Variants in GSDMC observed in about 807,000 individuals in gnomAD.
The protein encoded by GSDMC is gasdermin-C.
Under a neutral mutation model 58.0 loss-of-function variants are expected in GSDMC, and 59 were observed. The ratio of observed to expected loss-of-function variants is 1.02; its 90% confidence interval spans 0.82 to 1.26. The LOEUF is 1.26. Among genes scored for constraint, GSDMC ranks in the 50% most tolerant of loss-of-function variants. GSDMC has a pLI of 0.00. For synonymous variants in GSDMC, 241 were observed against 220.2 expected (o/e 1.09, Z -0.83); for missense variants, 659 against 598.5 (o/e 1.10, Z -1.06).
the GSDMC span, among the ~76,000 whole-genome samples, chr8:129,713,392 C>A: frequency 9.2e-6 from 1 of 108,976 alleles, no homozygotes; most frequent in Non-Finnish European, 1.7e-5. Context: ...ATCAATGGAG[C>A]CTTGTGGCCT....
chr8:129,729,326 T>C, the GSDMC span: 1 of 512,168 alleles, frequency 2.0e-6, no homozygotes, highest in Non-Finnish European at 3.7e-6. Context: ...TAATTATTAT[T>C]ATACTTTAAG....
chr8:129,732,493 A>G, the GSDMC span, among the ~76,000 whole-genome samples: 1 of 152,214 alleles, frequency 6.6e-6, no homozygotes, highest in Non-Finnish European at 1.5e-5. Flanking sequence ...AGGTCTCCAG[A>G]TGAGAAGGAA....
intron 11 of GSDMC, 123 bp from the exon 12 acceptor site, chr8:129,750,242 T>C: frequency 1.9e-6 from 2 of 1,034,648 alleles, no homozygotes; most frequent in South Asian, 1.8e-5. Context: ...CCCCAGGGGA[T>C]TCCAAGCAGC....
In GSDMC at chr8:129,752,285, T is replaced by TA. The variant is rs550836420; in HGVS notation, c.845-139dup. The stretch of plus-strand genomic sequence containing the variant: ...TTCTCACATGTTCCATCAGTTCAGT[T>TA]AAAAAACTTCCCCAGAGAGATGGAT... On this transcript the variant is annotated intron_variant, in intron 7 of 13. Transcript: ENST00000276708. 149 of 730,326 alleles carry TA rather than the reference T, an allele frequency of 2.0e-4. 2 individuals are homozygous for TA. The South Asian group carries it at 2.4e-3, about 12-fold the overall frequency. 45.2% of individuals were successfully genotyped at this position (730,326 alleles called of 1,614,324 possible).
At chr8:129,749,878 G>A (rs1206708250) in intron 12 of GSDMC, 112 bp downstream of exon 12, 11 of 834,328 alleles carry the variant, frequency 1.3e-5, no homozygotes, top group Middle Eastern at 2.9e-4. Flanking sequence ...ATGTAAGGAC[G>A]AAAGATCATG....
chr8:129,785,880 T>C (rs1182218899), intron 1 of GSDMC, 131 bp downstream of exon 1: 2 of 152,182 alleles, frequency 1.3e-5, no homozygotes, highest in Middle Eastern at 3.2e-3. Flanking sequence ...AAGACGAACT[T>C]AACTTCCTTT....
At chr8:129,750,613 C>A in intron 10 of GSDMC, 43 bp from the exon 11 acceptor site, 3 of 1,598,018 alleles carry the variant, frequency 1.9e-6, no homozygotes, top group Non-Finnish European at 2.6e-6. Context: ...GGGGACAAGT[C>A]TTTGATTAGA....
the GSDMC span, among the ~76,000 whole-genome samples, chr8:129,714,652 A>G: frequency 6.6e-6 from 1 of 152,246 alleles, no homozygotes; most frequent in Admixed American, 6.5e-5. Flanking sequence ...ACTTCAGTAA[A>G]TAAACACACA....
At chr8:129,750,330 T>A in intron 11 of GSDMC, 101 bp downstream of exon 11, 1 of 1,245,776 alleles carries the variant, frequency 8.0e-7, no homozygotes, top group Non-Finnish European at 1.1e-6. Flanking sequence ...TCCCCTGGCA[T>A]CTTGCTTATT....
chr8:129,731,186 A>T, the GSDMC span, among the ~76,000 whole-genome samples: 1 of 152,222 alleles, frequency 6.6e-6, no homozygotes, highest in African/African-American at 2.4e-5. Context: ...AAAGAGCTAC[A>T]ATGTCCTAGG....
chr8:129,731,765 G>A, the GSDMC span, among the ~76,000 whole-genome samples: 1 of 152,128 alleles, frequency 6.6e-6, no homozygotes, highest in East Asian at 1.9e-4. Flanking sequence ...GAAACACCCA[G>A]AATAAAGTTT....
chr8:129,772,332 G>T (rs183485747), intron 3 of GSDMC, among the ~76,000 whole-genome samples: 379 of 150,248 alleles, frequency 2.5e-3, no homozygotes, highest in Non-Finnish European at 4.2e-3. Context: ...GAAAAGAAAA[G>T]GTAATAAAAC....
At chr8:129,744,598 C>T (rs567188335), downstream of GSDMC, among the ~76,000 whole-genome samples, 2 of 152,164 alleles carry the variant, frequency 1.3e-5, no homozygotes, top group South Asian at 2.1e-4. Context: ...GGGCTGACAG[C>T]GCAGCTGTGT....
chr8:129,769,382 A>T (rs2033977683), intron 3 of GSDMC, among the ~76,000 whole-genome samples: 1 of 152,150 alleles, frequency 6.6e-6, no homozygotes, highest in South Asian at 2.1e-4. Flanking sequence ...ATACTGAAAG[A>T]AAAAAACTGT....
intron 3 of GSDMC, among the ~76,000 whole-genome samples, chr8:129,775,828 A>G (rs1238844506): frequency 6.6e-6 from 1 of 152,268 alleles, no homozygotes; most frequent in Admixed American, 6.5e-5. Flanking sequence ...CTGCTTTATG[A>G]CAGGTGTTTA....
intron 1 of GSDMC, among the ~76,000 whole-genome samples, chr8:129,778,359 T>G (rs955884093): frequency 8.5e-5 from 13 of 152,166 alleles, no homozygotes; most frequent in African/African-American, 3.1e-4. Context: ...GATGCATATA[T>G]GTCTTCTTCA....
the GSDMC span, chr8:129,706,907 T>C: frequency 6.6e-6 from 1 of 152,248 alleles, no homozygotes; most frequent in African/African-American, 2.4e-5. Context: ...CATTTGTTCA[T>C]TTATTAAACG....
intron 6 of GSDMC, among the ~76,000 whole-genome samples, chr8:129,754,199 C>A (rs1390425882): frequency 6.6e-6 from 1 of 152,268 alleles, no homozygotes; most frequent in South Asian, 2.1e-4. Flanking sequence ...GGGTGAGACC[C>A]AGTGCTGTGC....
downstream of GSDMC, among the ~76,000 whole-genome samples, chr8:129,745,835 G>C (rs2032949271): frequency 1.3e-5 from 1 of 79,982 alleles, no homozygotes; most frequent in South Asian, 3.5e-4. Flanking sequence ...ATCGTAGAAG[G>C]TGAAAGAGAG....
Sources: allele counts gnomAD v4.1 joint callset (sites outside exome capture counted in the v4.1 genomes callset), GRCh38; gene constraint gnomAD v4.1.1; transcripts MANE v1.5; gene names NCBI Gene and HGNC (gene_info 2026-07-23, HGNC 2026-07-21).